The following DGLUCY variants were observed in gnomAD, a reference collection of about 807,000 sequenced individuals.
The protein encoded by DGLUCY is D-glutamate cyclase, also known as D-glutamate cyclase, mitochondrial.
A neutral mutation model predicts 58.5 loss-of-function variants in DGLUCY; 58 were observed. The observed-to-expected ratio is 0.99, with a 90% CI of 0.80 to 1.23. The LOEUF (loss-of-function observed/expected upper bound fraction) is 1.23, where lower values mean the gene tolerates loss of function less well. Ranked by LOEUF, DGLUCY falls within the 50% of genes most tolerant of loss-of-function variation. The probability of loss-of-function intolerance (pLI) is 0.00; values close to 1 mark genes in which losing one functional copy is unlikely to be tolerated. For synonymous variants in DGLUCY, 325 were observed against 314.1 expected (o/e 1.03, Z -0.37); for missense variants, 779 against 784.7 (o/e 0.99, Z 0.09).
chr14:91,104,128 T>C (rs2044545334), upstream of DGLUCY, among the ~76,000 whole-genome samples: 1 of 139,690 alleles, frequency 7.2e-6, no homozygotes, highest in Non-Finnish European at 1.5e-5. Context: ...AGTGGTGCGA[T>C]CTCGGCTCAC....
At chr14:91,154,717 C>T (rs557972620) in intron 1 of DGLUCY, among the ~76,000 whole-genome samples, 2 of 152,334 alleles carry the variant, frequency 1.3e-5, no homozygotes, top group Admixed American at 1.3e-4. Context: ...ATCTCATCTG[C>T]CAACTTTGCG....
At position 91,173,379 on chromosome 14, in the gene DGLUCY, G is replaced by C; in HGVS notation, c.547G>C (p.Val183Leu). The C allele has an allele frequency of 6.2e-7, 1 of 1,612,968 alleles. No individual in the cohort carries two copies. The part of the protein sequence containing the change: ...PIPKDKLEGL[V>L]RACCSLGGEQ... ...TCCCAAGGACAAGCTGGAAGGGCTG[G>C]TGCGGGCCTGCTGCTCCCTCGGAGG... Residue 183 changes from valine to leucine, a missense_variant, in exon 6 of 14, where the codon GTG (valine) becomes CTG (leucine). By Grantham distance (32) the Val-to-Leu change is conservative. Transcript: ENST00000256324.
chr14:91,175,268 T>A (rs1460729744), intron 6 of DGLUCY, among the ~76,000 whole-genome samples: 1 of 152,100 alleles, frequency 6.6e-6, no homozygotes, highest in African/African-American at 2.4e-5. Context: ...GAAGAGCCAA[T>A]ATCAAGAAGC....
At chr14:91,060,644 A>C (rs2043638130) in exon 1 of DGLUCY, 1 of 558,530 alleles carries the variant, frequency 1.8e-6, no homozygotes, top group African/African-American at 2.0e-5. Flanking sequence ...AGTACCGCGC[A>C]ACCAAACCGC....
intron 1 of DGLUCY, among the ~76,000 whole-genome samples, chr14:91,068,559 C>G (rs1031084843): frequency 6.6e-6 from 1 of 152,130 alleles, no homozygotes; most frequent in Non-Finnish European, 1.5e-5. Flanking sequence ...ATCCCAGCTA[C>G]TCAGGAGGCT....
intron 1 of DGLUCY, among the ~76,000 whole-genome samples, chr14:91,093,394 A>T (rs2044345101): frequency 6.6e-6 from 1 of 152,238 alleles, no homozygotes; most frequent in Admixed American, 6.5e-5. Context: ...GCACCAGCAG[A>T]GAAGCGAAAT....
chr14:91,068,166 A>C (rs2043859496), intron 1 of DGLUCY, among the ~76,000 whole-genome samples: 1 of 152,074 alleles, frequency 6.6e-6, no homozygotes, highest in Admixed American at 6.6e-5. Context: ...GCAGCAAGTA[A>C]GCAGTGTCCT....
At chr14:91,169,593 A>G (rs2048458238) in intron 4 of DGLUCY, among the ~76,000 whole-genome samples, 1 of 151,686 alleles carries the variant, frequency 6.6e-6, no homozygotes, top group Non-Finnish European at 1.5e-5. Context: ...TATTTTTAGT[A>G]TAGACGGGGT....
At chr14:91,205,218 T>A (rs1453524690) in intron 12 of DGLUCY, among the ~76,000 whole-genome samples, 1 of 152,214 alleles carries the variant, frequency 6.6e-6, no homozygotes, top group Non-Finnish European at 1.5e-5. Context: ...GGAAGGCTTT[T>A]CTGAAGAGAG....
chr14:91,212,532 A>G (rs1178792223), intron 12 of DGLUCY, among the ~76,000 whole-genome samples: 5 of 151,914 alleles, frequency 3.3e-5, no homozygotes, highest in Non-Finnish European at 7.4e-5. Flanking sequence ...TACTCTGTTC[A>G]TTGAATATAA....
At chr14:91,088,244 A>G (rs764922047) in intron 1 of DGLUCY, among the ~76,000 whole-genome samples, 5 of 152,210 alleles carry the variant, frequency 3.3e-5, no homozygotes, top group Non-Finnish European at 7.3e-5. Context: ...ATTTACAGTA[A>G]AAGATATGTG....
chr14:91,096,475 G>T (rs942242126), intron 1 of DGLUCY, among the ~76,000 whole-genome samples: 1 of 152,140 alleles, frequency 6.6e-6, no homozygotes, highest in Non-Finnish European at 1.5e-5. Context: ...TTGAAAATTG[G>T]GGAGTGCGAC....
At chr14:91,107,743 G>T (rs1355135453), upstream of DGLUCY, among the ~76,000 whole-genome samples, 1 of 151,860 alleles carries the variant, frequency 6.6e-6, no homozygotes, top group African/African-American at 2.4e-5. Flanking sequence ...TAGCTAGAGA[G>T]AAAACAATGG....
intron 1 of DGLUCY, among the ~76,000 whole-genome samples, chr14:91,070,327 C>T (rs567367329): frequency 1.3e-5 from 2 of 152,282 alleles, no homozygotes; most frequent in East Asian, 3.9e-4. Context: ...TGCTGGGGGC[C>T]TTGGCACCTC....
At chr14:91,215,650 A>C (rs1595944249) in intron 13 of DGLUCY, 94 bp downstream of exon 13, 1 of 1,600,694 alleles carries the variant, frequency 6.2e-7, no homozygotes. Context: ...GAGGGCTGGC[A>C]CCCTGCTGCC....
At chr14:91,164,206 T>C (rs895648570) in intron 3 of DGLUCY, among the ~76,000 whole-genome samples, 2 of 152,168 alleles carry the variant, frequency 1.3e-5, no homozygotes, top group Non-Finnish European at 2.9e-5. Flanking sequence ...AACCTCGGCC[T>C]CCCAAAGTGC....
At chr14:91,109,476 C>G (rs117763662), upstream of DGLUCY, among the ~76,000 whole-genome samples, 1,552 of 152,128 alleles carry the variant, frequency 0.01, 91 homozygotes, top group Admixed American at 0.091. Context: ...CACAGGAAAC[C>G]CTCCCTGCCC....
exon 1 of DGLUCY, chr14:91,060,657 C>T (rs1595591553): frequency 6.4e-6 from 3 of 465,122 alleles, no homozygotes; most frequent in African/African-American, 2.0e-5. Context: ...CAAACCGCCC[C>T]CTGCTCCACC....
chr14:91,174,411 T>A (rs2048746736), intron 6 of DGLUCY, among the ~76,000 whole-genome samples: 1 of 152,210 alleles, frequency 6.6e-6, no homozygotes, highest in African/African-American at 2.4e-5. Flanking sequence ...GTTCAAGCGA[T>A]TCTCCTGCCT....
Sources: allele counts gnomAD v4.1 joint callset (sites outside exome capture counted in the v4.1 genomes callset), GRCh38; gene constraint gnomAD v4.1.1; transcripts MANE v1.5; gene names NCBI Gene and HGNC (gene_info 2026-07-23, HGNC 2026-07-21).